The following ITPRIP variants were observed in gnomAD, a reference collection of about 807,000 sequenced individuals.
ITPRIP encodes the protein inositol 1,4,5-trisphosphate receptor-interacting protein.
A neutral mutation model predicts 35.8 loss-of-function variants in ITPRIP; 32 were observed. The ratio of observed to expected loss-of-function variants is 0.89; its 90% confidence interval spans 0.68 to 1.20. ITPRIP has a LOEUF of 1.20. ITPRIP is among the 50% of genes most tolerant of loss of function. The pLI is 0.00. For missense variants in ITPRIP, 653 were observed against 735.6 expected (o/e 0.89, Z 1.30); for synonymous variants, 358 against 324.0 (o/e 1.11, Z -1.13).
In ITPRIP at chr10:104,320,859, C is replaced by T. The variant is rs1281855904; in HGVS notation, c.-13-4795G>A. 3.3e-5 allele frequency among the ~76,000 whole-genome samples: 5 copies of T among 152,242 alleles called. No individual in the cohort carries two copies. In the East Asian group the frequency reaches 9.7e-4, roughly 29 times the overall value. ...ACTTCTGTCCCCCTAAAATGTGTAA[C>T]ATCAAGCTGTAACCCAACTGTCTGG... On this transcript the variant is annotated intron_variant, in intron 1 of 1. Transcript: ENST00000337478.
At position 104,326,576 on chromosome 10, in the gene ITPRIP, C is replaced by T. The variant is rs1026924824; in HGVS notation, c.-13-10512G>A. 6.6e-6 allele frequency: 1 copy of T among 152,334 alleles called. No homozygotes were observed. 9.4% of individuals were successfully genotyped at this position (152,334 alleles called of 1,614,324 possible). ...CCTGCAACCCCTGAGCTCTGGCCCA[C>T]ACCTCCTTTTCTCCCACGCGTTCCC... On this transcript the variant is annotated intron_variant, in intron 1 of 1. Coordinates refer to ENST00000337478, the MANE Select transcript of ITPRIP (RefSeq NM_001272013.2). This position sits in a 1 kb window ranked among gnomAD's most constrained non-coding sequence, Gnocchi z 4.8.
At position 104,316,040 on chromosome 10, in the gene ITPRIP, C is replaced by G. The variant is rs1418451796; in HGVS notation, c.12G>C (p.Gly4=). 6.3e-7 allele frequency: 1 copy of G among 1,580,064 alleles called. No homozygotes were observed. The highest frequency in any genetic ancestry group is 8.6e-7 in the Non-Finnish European group (1 of 1,164,600). ...CCACCACCAGACACACGCGGAAGAG[C>G]CCCATGGCCATGGTTGGAGCTTTCC... is the stretch of plus-strand genomic sequence containing the variant. MAM[G]LFRVCLVVVT... The change falls in exon 2 of 2, where the codon GGG becomes GGC. Residue 4 remains glycine, a synonymous_variant. Coordinates refer to ENST00000337478, the MANE Select transcript of ITPRIP (RefSeq NM_001272013.2).
rs1432928794 is a variant in ITPRIP, at chr10:104,311,353, C to A, written c.*3055G>T. The A allele has an allele frequency of 6.6e-6, 1 of 152,226 alleles. No homozygotes were observed. Among genetic ancestry groups the A allele is most frequent in the Non-Finnish European group, 1.5e-5 (1 of 68,050 alleles). The allele number at this position is 152,226 out of a possible 1,614,324, so 9.4% of individuals were successfully genotyped here. A position where few individuals can be genotyped will look rare whatever the true frequency, so the allele number is the denominator to read the frequency against. Reference sequence around the variant, plus strand: ...TCCATTAAGAAAGAAAGTGAGAGGGCTTCCTCAGCTAGGGGTACCATCAGT... The same window carrying A: ...TCCATTAAGAAAGAAAGTGAGAGGGATTCCTCAGCTAGGGGTACCATCAGT... On this transcript the variant is annotated 3_prime_UTR_variant, in exon 2 of 2. Transcript: ENST00000337478.
At chr10:104,331,356 C>T (rs950295821) in intron 1 of ITPRIP, among the ~76,000 whole-genome samples, 2 of 152,228 alleles carry the variant, frequency 1.3e-5, no homozygotes, top group African/African-American at 4.8e-5. Flanking sequence ...AGGCGGGTCC[C>T]CCGGCTGCTG....
At position 104,314,596 on chromosome 10, in the gene ITPRIP, C is replaced by A; in HGVS notation, c.1456G>T (p.Glu486Ter). 2 of 1,614,170 alleles carry A rather than the reference C, an allele frequency of 1.2e-6. No individual in the cohort carries two copies. The highest frequency in any genetic ancestry group is 4.5e-5 in the East Asian group (2 of 44,876). ...ACGGCCTCAGGGAGTCCCATGGCCT[C>A]AGGCACCTTGCGGTTGCCGATGAAG... ...HFFIGNRKVPEAMGLPEAVLR... is the reference protein window; with the variant it reads ...HFFIGNRKVP The change falls in exon 2 of 2, where the codon GAG (glutamate) becomes TAG (stop). Residue 486 changes from glutamate to a stop codon, truncating the protein, a stop_gained. Coordinates refer to ENST00000337478, the MANE Select transcript of ITPRIP (RefSeq NM_001272013.2). LOFTEE classifies it high-confidence loss of function.
chr10:104,316,442 C>T (rs11192005), intron 1 of ITPRIP, among the ~76,000 whole-genome samples: 3,904 of 152,182 alleles, frequency 0.026, 120 homozygotes, highest in East Asian at 0.094. Context: ...ACAGCTAGAG[C>T]GATTGGTTCT....
At chr10:104,324,478 G>A (rs761728808) in intron 1 of ITPRIP, among the ~76,000 whole-genome samples, 6 of 152,202 alleles carry the variant, frequency 3.9e-5, no homozygotes, top group Non-Finnish European at 8.8e-5. Context: ...GGGTGCGTTT[G>A]CGGCTCTGGG....
At position 104,326,018 on chromosome 10, in the gene ITPRIP, G is replaced by A. The variant is rs1044607618; in HGVS notation, c.-13-9954C>T. Among the ~76,000 whole-genome samples the A allele has an allele frequency of 2.6e-5, 4 of 152,186 alleles. No homozygotes were observed. Among genetic ancestry groups the A allele is most frequent in the African/African-American group, 7.2e-5 (3 of 41,458 alleles). ...CCACCGAGCCGGTGGGGAAGTACAC[G>A]CGGGGCAGAAGCTGCCTTTTTTTGC... is the stretch of plus-strand genomic sequence containing the variant. On this transcript the variant is annotated intron_variant, in intron 1 of 1. Transcript: ENST00000337478. The surrounding 1 kb of genome is among the most constrained non-coding windows in gnomAD (Gnocchi z 4.8).
chr10:104,312,927 A>AT lies in ITPRIP; in HGVS notation c.*1480dup. ...CAAGGGTAACTGAAGTAACGGTGAG[A>AT]TAGGAAATCTCAAAGGGCCAGTGAA... On this transcript the variant is annotated 3_prime_UTR_variant, in exon 2 of 2. Transcript: ENST00000337478. 1 of 985,444 alleles carries AT rather than the reference A, an allele frequency of 1.0e-6. No individual in the cohort carries two copies. Among genetic ancestry groups the AT allele is most frequent in the Non-Finnish European group, 1.2e-6 (1 of 829,950 alleles). The allele number at this position is 985,444 out of a possible 1,614,324, so 61.0% of individuals were successfully genotyped here.
At position 104,314,310 on chromosome 10, in the gene ITPRIP, G is replaced by A. The variant is rs1032495557; in HGVS notation, c.*98C>T. 12 of 1,514,884 alleles carry A rather than the reference G, an allele frequency of 7.9e-6. No individual in the cohort carries two copies. In the South Asian group the frequency reaches 8.1e-5, roughly 10 times the overall value. The allele number at this position is 1,514,884 out of a possible 1,614,324, so 93.8% of individuals were successfully genotyped here. The stretch of plus-strand genomic sequence containing the variant: ...CTGAGCACGGCTCCCACGAAAGCCC[G>A]CCTTGTCCCCAGAACAGGGCTGGCA... On this transcript the variant is annotated 3_prime_UTR_variant, in exon 2 of 2. Transcript: ENST00000337478.
chr10:104,336,126 GA>G (rs1287029057), intron 1 of ITPRIP, among the ~76,000 whole-genome samples: 1 of 152,132 alleles, frequency 6.6e-6, no homozygotes, highest in African/African-American at 2.4e-5. Flanking sequence ...GTATTTCTAA[GA>G]GGCATCAAGC....
chr10:104,317,794 AG>A (rs1260031180), intron 1 of ITPRIP, among the ~76,000 whole-genome samples: 1 of 152,226 alleles, frequency 6.6e-6, no homozygotes, highest in Non-Finnish European at 1.5e-5. Flanking sequence ...GCCAAGGAAC[AG>A]GGATTTGTCC....
rs2013469423 is a variant in ITPRIP, at chr10:104,310,895, T to G, written c.*3513A>C. 6.6e-6 allele frequency: 1 copy of G among 152,202 alleles called. No homozygotes were observed. The highest frequency in any genetic ancestry group is 2.1e-4 in the South Asian group (1 of 4,828). The allele number at this position is 152,202 out of a possible 1,614,324, so 9.4% of individuals were successfully genotyped here. ...AGTGCAGATTCTTCTACCTAACTTC[T>G]CAGGATCCCACTGGAGTCTGTGACA... is the stretch of plus-strand genomic sequence containing the variant. On this transcript the variant is annotated 3_prime_UTR_variant, in exon 2 of 2. Coordinates refer to ENST00000337478, the MANE Select transcript of ITPRIP (RefSeq NM_001272013.2).
intron 1 of ITPRIP, among the ~76,000 whole-genome samples, chr10:104,321,430 G>A (rs1372971156): frequency 6.6e-6 from 1 of 152,196 alleles, no homozygotes; most frequent in Non-Finnish European, 1.5e-5. Flanking sequence ...CGGACAGAGG[G>A]CTGCAGGTGG....
At chr10:104,330,636 T>C (rs1043420879) in intron 1 of ITPRIP, among the ~76,000 whole-genome samples, 1 of 152,192 alleles carries the variant, frequency 6.6e-6, no homozygotes, top group African/African-American at 2.4e-5. Flanking sequence ...AGGAAAAAAC[T>C]GGACAAGCCT....
chr10:104,315,593 G>A lies in ITPRIP; in HGVS notation c.459C>T (p.Ala153=), dbSNP rs1189360057. The change falls in exon 2 of 2, where the codon GCC becomes GCT. Residue 153 remains alanine (A), a synonymous_variant. Transcript: ENST00000337478. The surrounding 1 kb of genome is among the most constrained non-coding windows in gnomAD (Gnocchi z 5.7). ...CCCGGGTACGGGCTGCATCGGCCGTGGCCCCCCGGATGCAGCGCTCATAAA... is the reference window on the plus strand; with the variant it reads ...CCCGGGTACGGGCTGCATCGGCCGTAGCCCCCCGGATGCAGCGCTCATAAA... ...GHFYERCIRG[A]TADAARTREF... is the part of the protein sequence containing the mutation. The A allele has an allele frequency of 6.2e-7, 1 of 1,613,696 alleles. No homozygotes were observed. The highest frequency in any genetic ancestry group is 8.5e-7 in the Non-Finnish European group (1 of 1,180,010).
chr10:104,324,474 G>A (rs1477987695), intron 1 of ITPRIP, among the ~76,000 whole-genome samples: 1 of 152,190 alleles, frequency 6.6e-6, no homozygotes, highest in South Asian at 2.1e-4. Flanking sequence ...GAAAGGGTGC[G>A]TTTGCGGCTC....
Position 104,333,743 on chromosome 10 carries a change from C to T in ITPRIP, c.-14+4503G>A, listed in dbSNP as rs1223592584. On this transcript the variant is annotated intron_variant, in intron 1 of 1. Transcript: ENST00000337478. The surrounding 1 kb of genome is among the most constrained non-coding windows in gnomAD (Gnocchi z 4.1). ...TCCAAACAAACTGCTGGAAAGACCA[C>T]TGAGGATAGATGTCCTCCCCGTCTA... The T allele has an allele frequency of 2.0e-5, 3 of 152,296 alleles. No individual in the cohort carries two copies. Among genetic ancestry groups the T allele is most frequent in the Non-Finnish European group, 4.4e-5 (3 of 68,120 alleles). 9.4% of individuals were successfully genotyped at this position (152,296 alleles called of 1,614,324 possible).
chr10:104,312,678 C>G lies in ITPRIP; in HGVS notation c.*1730G>C. 1 of 985,414 alleles carries G rather than the reference C, an allele frequency of 1.0e-6. No individual in the cohort carries two copies. The highest frequency in any genetic ancestry group is 1.2e-6 in the Non-Finnish European group (1 of 829,960). 61.0% of individuals were successfully genotyped at this position (985,414 alleles called of 1,614,324 possible). The stretch of plus-strand genomic sequence containing the variant: ...CCTATAGGTTTGGTTGCCCTGATCA[C>G]AGCCGAGCTGCCCCACCAGGAATTA... On this transcript the variant is annotated 3_prime_UTR_variant, in exon 2 of 2. Coordinates refer to ENST00000337478, the MANE Select transcript of ITPRIP (RefSeq NM_001272013.2).
Sources: gnomAD v4.1 joint callset for allele counts (sites outside exome capture counted in the v4.1 genomes callset) on GRCh38, gnomAD v4.1.1 for gene constraint, Gnocchi (gnomAD v3.1) non-coding constraint, MANE v1.5 for transcripts, NCBI Gene and HGNC (gene_info 2026-07-23, HGNC 2026-07-21) for gene names.